RET: variants seen among roughly 807,000 people sequenced by gnomAD.
RET encodes ret proto-oncogene.
RET carries 19 observed loss-of-function variants against 118.3 expected under a neutral mutation model. The observed-to-expected ratio is 0.16, with a 90% confidence interval of 0.11 to 0.24. RET has a LOEUF of 0.24. RET is among the 10% of genes least tolerant of loss of function. RET has a pLI of 1.00. For missense variants in RET, 1,219 were observed against 1,502.1 expected (o/e 0.81, Z 3.12); for synonymous variants, 597 against 644.1 (o/e 0.93, Z 1.11).
intron 2 of RET, 56 bp from the exon 3 acceptor site, chr10:43,102,286 C>T (rs1837656298): frequency 6.2e-7 from 1 of 1,605,970 alleles, no homozygotes; most frequent in Non-Finnish European, 8.5e-7. Context: ...CCTCCCCATT[C>T]CCGACTGCCT....
Position 43,106,439 on chromosome 10 carries a change from G to A in RET, c.931G>A (p.Val311Met), listed in dbSNP as rs1311500725. 1 of 1,613,580 alleles carries A rather than the reference G, an allele frequency of 6.2e-7. No individual in the cohort carries two copies. Among genetic ancestry groups the A allele is most frequent in the East Asian group, 2.2e-5 (1 of 44,872 alleles). ...ADVVPASGEL[V>M]RRYTSTLLPG... is the part of the protein sequence containing the mutation. ...CGTGGTACCTGCATCAGGGGAGCTG[G>A]TGAGGCGGTACACAAGCACGCTGCT... The change falls in exon 5 of 20, where the codon GTG (valine) becomes ATG (methionine). Residue 311 changes from valine to methionine, a missense_variant. Transcript: ENST00000355710. This position sits in a 1 kb window ranked among gnomAD's most constrained non-coding sequence, Gnocchi z 5.1.
chr10:43,126,710 A>T lies in RET; in HGVS notation c.3175A>T (p.Asn1059Tyr), dbSNP rs1055571837. The T allele has an allele frequency of 6.2e-7, 1 of 1,613,948 alleles. No individual in the cohort carries two copies. The highest frequency in any genetic ancestry group is 8.5e-7 in the Non-Finnish European group (1 of 1,179,982). Residue 1059 changes from asparagine to tyrosine, a missense_variant, in exon 19 of 20, where the codon AAC becomes TAC. Physicochemically the swap from Asn to Tyr is moderately radical, Grantham distance 143 (BLOSUM62 -2). Around this residue, in one of 5 missense-constraint regions of RET, gnomAD observed 174 missense variants for 179.3 expected, o/e 0.97. Coordinates refer to ENST00000355710, the MANE Select transcript of RET (RefSeq NM_020975.6). ...AGCCCTCCCTTCCACATGGATTGAAAACAAACTCTATGGTAGAATTTCCCA... is the reference window on the plus strand; with the variant it reads ...AGCCCTCCCTTCCACATGGATTGAATACAAACTCTATGGTAGAATTTCCCA... Reference protein sequence around the residue: ...PRALPSTWIENKLYGMSDPNW... With the variant: ...PRALPSTWIEYKLYGMSDPNW...
chr10:43,113,714 C>G (rs2132833210), intron 10 of RET, 39 bp downstream of exon 10: 3 of 1,610,864 alleles, frequency 1.9e-6, no homozygotes, highest in Non-Finnish European at 2.5e-6. Context: ...CACCTCCCAG[C>G]CCCACAGAGG....
chr10:43,097,205 A>C (rs947084071), intron 1 of RET, among the ~76,000 whole-genome samples: 1 of 152,140 alleles, frequency 6.6e-6, no homozygotes, highest in African/African-American at 2.4e-5. Context: ...TCCCTGGACC[A>C]CTAAAGGTGC....
chr10:43,127,636 A>T, intron 19 of RET: 1 of 320,568 alleles, frequency 3.1e-6, no homozygotes, highest in Non-Finnish European at 4.9e-6. Flanking sequence ...CTAGTGCCAC[A>T]CTCCATTTGT....
At chr10:43,078,990 G>C (rs1211311905) in intron 1 of RET, among the ~76,000 whole-genome samples, 1 of 152,210 alleles carries the variant, frequency 6.6e-6, no homozygotes, top group Admixed American at 6.5e-5. Flanking sequence ...AGGAGCCACA[G>C]CTCCGGAGGT....
At chr10:43,125,117 T>G in intron 18 of RET, 135 bp downstream of exon 18, 1 of 813,010 alleles carries the variant, frequency 1.2e-6, no homozygotes, top group Non-Finnish European at 2.1e-6. Context: ...GAGAGAGTCA[T>G]GCTCTCCCCT....
intron 6 of RET, among the ~76,000 whole-genome samples, chr10:43,109,619 CAG>C (rs1837869530): frequency 6.6e-6 from 1 of 152,292 alleles, no homozygotes; most frequent in Admixed American, 6.5e-5. Flanking sequence ...TCTTCCCTGA[CAG>C]GGATCTGCAA....
At chr10:43,112,362 C>T (rs958130392) in intron 8 of RET, 138 bp downstream of exon 8, 20 of 1,311,080 alleles carry the variant, frequency 1.5e-5, no homozygotes, top group Middle Eastern at 2.5e-4. Context: ...ATGTGGCTCT[C>T]GATGCCAGCA....
At chr10:43,097,581 C>G (rs994023694) in intron 1 of RET, among the ~76,000 whole-genome samples, 2 of 152,182 alleles carry the variant, frequency 1.3e-5, no homozygotes, top group Non-Finnish European at 2.9e-5. Flanking sequence ...CCCTCCTCGC[C>G]CTGTGAGGCC....
At chr10:43,102,157 C>G in intron 2 of RET, 185 bp from the exon 3 acceptor site, 1 of 713,902 alleles carries the variant, frequency 1.4e-6, no homozygotes, top group Non-Finnish European at 2.4e-6. Context: ...GGCATTGGTG[C>G]TGGGCAGCAG....
intron 1 of RET, among the ~76,000 whole-genome samples, chr10:43,097,663 A>G (rs1322940756): frequency 6.6e-6 from 1 of 152,186 alleles, no homozygotes; most frequent in Non-Finnish European, 1.5e-5. Flanking sequence ...GGGCACTGTC[A>G]TGGGAGCAGT....
intron 1 of RET, among the ~76,000 whole-genome samples, chr10:43,092,705 C>T (rs1837435959): frequency 6.6e-6 from 1 of 152,204 alleles, no homozygotes; most frequent in South Asian, 2.1e-4. Flanking sequence ...CTCCGGTGCC[C>T]AGGGCTCCTC....
At chr10:43,098,065 C>T (rs1008482905) in intron 1 of RET, among the ~76,000 whole-genome samples, 8 of 152,134 alleles carry the variant, frequency 5.3e-5, no homozygotes, top group South Asian at 2.1e-4. Flanking sequence ...AAAATTCATA[C>T]GATTTTTTAT....
intron 6 of RET, 130 bp from the exon 7 acceptor site, chr10:43,111,077 C>T (rs777831774): frequency 2.1e-5 from 28 of 1,318,722 alleles, no homozygotes; most frequent in Admixed American, 5.5e-5. Flanking sequence ...ACAGGGTGCT[C>T]GGGGGGGCTG....
chr10:43,078,374 C>T (rs1198579233), intron 1 of RET, among the ~76,000 whole-genome samples: 1 of 152,252 alleles, frequency 6.6e-6, no homozygotes, highest in Non-Finnish European at 1.5e-5. Flanking sequence ...TGGTCAGTCA[C>T]CCTGTCTCTG....
intron 9 of RET, 45 bp downstream of exon 9, chr10:43,113,008 A>G: frequency 6.6e-7 from 1 of 1,524,970 alleles, no homozygotes; most frequent in Non-Finnish European, 9.1e-7. Context: ...AGGAGATAGT[A>G]GGGGAAACCT....
At position 43,125,405 on chromosome 10, in the gene RET, T is replaced by C. The variant is rs142056093; in HGVS notation, c.3039+423T>C. ...AGACTGTGGCAAACAGCCAGCCCCC[T>C]CCAAAGGGTTCCTTGCTGGAGTACC... On this transcript the variant is annotated intron_variant, in intron 18 of 19. Transcript: ENST00000355710. Among the ~76,000 whole-genome samples the C allele has an allele frequency of 8.9e-3, 1,348 of 152,282 alleles. 25 individuals are homozygous for C. Among genetic ancestry groups the C allele is most frequent in the African/African-American group, 0.031 (1,280 of 41,546 alleles).
At chr10:43,099,914 C>G (rs1385094874) in intron 1 of RET, among the ~76,000 whole-genome samples, 1 of 152,242 alleles carries the variant, frequency 6.6e-6, no homozygotes, top group East Asian at 1.9e-4. Flanking sequence ...GTGTGCCTGT[C>G]CATCCACCTG....
Sources: gnomAD v4.1 joint callset for allele counts (sites outside exome capture counted in the v4.1 genomes callset) on GRCh38, gnomAD v4.1.1 for gene constraint, gnomAD v4.1.1 regional missense constraint, Gnocchi (gnomAD v3.1) non-coding constraint, MANE v1.5 for transcripts, NCBI Gene and HGNC (gene_info 2026-07-23, HGNC 2026-07-21) for gene names.